The following CDK14 variants were observed in gnomAD, a reference collection of about 807,000 sequenced individuals.
The protein encoded by CDK14 is cyclin-dependent kinase 14.
CDK14 carries 34 observed loss-of-function variants against 60.7 expected under a neutral mutation model. The observed-to-expected ratio is 0.56, with a 90% CI of 0.43 to 0.75. CDK14 has a LOEUF of 0.75. Ranked by LOEUF, CDK14 falls within the 30% of genes least tolerant of loss-of-function variation. The probability of loss-of-function intolerance (pLI) is 0.00; values close to 1 mark genes in which losing one functional copy is unlikely to be tolerated. For synonymous variants in CDK14, 197 were observed against 203.7 expected (o/e 0.97, Z 0.28); for missense variants, 482 against 564.1 (o/e 0.85, Z 1.47).
At chr7:90,979,508 T>G (rs1795169431) in intron 9 of CDK14, 1 of 152,198 alleles carries the variant, frequency 6.6e-6, no homozygotes, top group Non-Finnish European at 1.5e-5. Flanking sequence ...AGGAACTGTG[T>G]AAAATGGAAT....
At chr7:91,206,418 C>T (rs1274980820) in intron 14 of CDK14, among the ~76,000 whole-genome samples, 3 of 152,174 alleles carry the variant, frequency 2.0e-5, no homozygotes, top group African/African-American at 7.2e-5. Context: ...ACCGATCCCT[C>T]AGCTATGTGC....
chr7:90,754,556 G>A (rs986337201), intron 4 of CDK14, among the ~76,000 whole-genome samples: 3 of 152,092 alleles, frequency 2.0e-5, no homozygotes, highest in African/African-American at 7.2e-5. Context: ...AACATCGTCT[G>A]AGCATCGGCC....
intron 5 of CDK14, among the ~76,000 whole-genome samples, chr7:90,836,693 T>A (rs1371742781): frequency 6.6e-6 from 1 of 152,242 alleles, no homozygotes; most frequent in Non-Finnish European, 1.5e-5. Context: ...TCAAGTATTA[T>A]TGTTCTGTAC....
At chr7:90,904,698 A>T (rs186615984) in intron 7 of CDK14, among the ~76,000 whole-genome samples, 2,490 of 152,296 alleles carry the variant, frequency 0.016, 23 homozygotes, top group Non-Finnish European at 0.022. Flanking sequence ...TAATTCTTTC[A>T]AATGTATAGG....
chr7:90,808,661 C>T (rs1788961103), intron 5 of CDK14, among the ~76,000 whole-genome samples: 4 of 152,204 alleles, frequency 2.6e-5, no homozygotes, highest in Admixed American at 2.0e-4. Flanking sequence ...AATTAAAAGA[C>T]ACAGACTGGC....
chr7:91,156,305 G>C (rs145859876), intron 14 of CDK14, among the ~76,000 whole-genome samples: 1,606 of 152,218 alleles, frequency 0.011, 39 homozygotes, highest in African/African-American at 0.037. Context: ...ATATGTGGTT[G>C]GATAATTTTT....
intron 6 of CDK14, among the ~76,000 whole-genome samples, chr7:90,898,872 A>T (rs1792415992): frequency 6.6e-6 from 1 of 151,980 alleles, no homozygotes; most frequent in African/African-American, 2.4e-5. Context: ...CTAGTAGAAT[A>T]TATTTGTGGT....
intron 10 of CDK14, among the ~76,000 whole-genome samples, chr7:91,031,027 T>G (rs1263376197): frequency 1.3e-5 from 2 of 152,248 alleles, no homozygotes; most frequent in African/African-American, 4.8e-5. Flanking sequence ...CAGAATGGTT[T>G]GGCTCTGTCG....
At chr7:90,628,665 T>C (rs1799927151) in intron 2 of CDK14, among the ~76,000 whole-genome samples, 1 of 151,902 alleles carries the variant, frequency 6.6e-6, no homozygotes, top group Admixed American at 6.6e-5. Context: ...TCTAAAAATA[T>C]ATATATATTT....
intron 10 of CDK14, among the ~76,000 whole-genome samples, chr7:91,013,665 T>G (rs1796224461): frequency 1.3e-5 from 2 of 151,080 alleles, no homozygotes; most frequent in South Asian, 2.1e-4. Context: ...TGTTTTTTTT[T>G]TTTTTTTTTT....
At chr7:91,042,820 A>G (rs987812901) in intron 10 of CDK14, among the ~76,000 whole-genome samples, 2 of 152,172 alleles carry the variant, frequency 1.3e-5, no homozygotes, top group Non-Finnish European at 2.9e-5. Context: ...TGTCTTGTTA[A>G]TGGAACTTGT....
chr7:90,858,555 T>A (rs1790902342), intron 5 of CDK14, among the ~76,000 whole-genome samples: 1 of 152,212 alleles, frequency 6.6e-6, no homozygotes, highest in African/African-American at 2.4e-5. Context: ...TAATGTTCAA[T>A]AATATGTTTC....
intron 14 of CDK14, among the ~76,000 whole-genome samples, chr7:91,197,966 CTGTTGTGAAGCAGCTTCG>C (rs1802599566): frequency 1.3e-5 from 2 of 152,306 alleles, no homozygotes; most frequent in African/African-American, 2.4e-5. Context: ...TTCGTTGGCA[CTGTTGTGAAGCAGCTTCG>C]TGTTGTGAAG....
intron 5 of CDK14, among the ~76,000 whole-genome samples, chr7:90,800,556 A>G (rs927780805): frequency 3.9e-5 from 6 of 151,988 alleles, no homozygotes; most frequent in African/African-American, 1.4e-4. Flanking sequence ...GTTATAGCCT[A>G]TCTGTTTTTG....
intron 14 of CDK14, among the ~76,000 whole-genome samples, chr7:91,179,393 T>C (rs1019629412): frequency 2.0e-5 from 3 of 149,834 alleles, no homozygotes; most frequent in Non-Finnish European, 4.4e-5. Context: ...TCGGGAGATA[T>C]ACCTAATGCT....
intron 5 of CDK14, among the ~76,000 whole-genome samples, chr7:90,799,561 G>T (rs752670391): frequency 6.6e-6 from 1 of 151,754 alleles, no homozygotes; most frequent in Non-Finnish European, 1.5e-5. Context: ...GTGGTGGCGG[G>T]CACCTGTAAT....
intron 2 of CDK14, among the ~76,000 whole-genome samples, chr7:90,625,720 T>C (rs528793437): frequency 2.6e-4 from 39 of 152,314 alleles, no homozygotes; most frequent in Non-Finnish European, 5.1e-4. Flanking sequence ...TCCCCCAGCA[T>C]GCTACAGAAG....
At chr7:91,200,671 CAGA>C (rs1802685661) in intron 14 of CDK14, among the ~76,000 whole-genome samples, 1 of 152,220 alleles carries the variant, frequency 6.6e-6, no homozygotes, top group South Asian at 2.1e-4. Context: ...CATATACCTT[CAGA>C]AGGATATCTA....
At chr7:90,756,449 G>T (rs113834877) in intron 4 of CDK14, among the ~76,000 whole-genome samples, 4,008 of 152,302 alleles carry the variant, frequency 0.026, 87 homozygotes, top group Non-Finnish European at 0.041. Flanking sequence ...GTTCTGGACG[G>T]TTAATAGTTT....
Sources: gnomAD v4.1 joint callset for allele counts (sites outside exome capture counted in the v4.1 genomes callset) on GRCh38, gnomAD v4.1.1 for gene constraint, MANE v1.5 for transcripts, NCBI Gene and HGNC (gene_info 2026-07-23, HGNC 2026-07-21) for gene names.